FGGY: variants seen among roughly 807,000 people sequenced by gnomAD.
FGGY encodes FGGY carbohydrate kinase domain-containing protein.
Under a neutral mutation model 71.3 loss-of-function variants are expected in FGGY, and 72 were observed. That is an observed-to-expected ratio of 1.01 (90% CI 0.84 to 1.23). The LOEUF (loss-of-function observed/expected upper bound fraction) is 1.23. Ranked by LOEUF, FGGY falls within the 50% of genes most tolerant of loss-of-function variation. The probability of loss-of-function intolerance (pLI) is 0.00; values close to 1 mark genes in which losing one functional copy is unlikely to be tolerated. For missense variants in FGGY, 668 were observed against 682.3 expected (o/e 0.98, Z 0.23); for synonymous variants, 251 against 250.3 (o/e 1.00, Z -0.02).
At chr1:59,571,044 G>A (rs937597293) in intron 8 of FGGY, among the ~76,000 whole-genome samples, 19 of 152,130 alleles carry the variant, frequency 1.2e-4, no homozygotes, top group African/African-American at 1.7e-4. Context: ...ATGGACAGCC[G>A]TCTTTCATAT....
intron 5 of FGGY, among the ~76,000 whole-genome samples, chr1:59,414,622 G>A (rs2064086473): frequency 6.6e-6 from 1 of 152,150 alleles, no homozygotes; most frequent in Non-Finnish European, 1.5e-5. Flanking sequence ...GAGTGGACAA[G>A]TGTAGGGAAA....
chr1:59,498,027 G>A (rs986237582), intron 6 of FGGY, among the ~76,000 whole-genome samples: 2 of 152,154 alleles, frequency 1.3e-5, no homozygotes, highest in Non-Finnish European at 2.9e-5. Context: ...CTTCAAAGAT[G>A]CTGGAGGGTC....
chr1:59,651,000 C>T (rs1448340124), intron 11 of FGGY, among the ~76,000 whole-genome samples: 5 of 151,514 alleles, frequency 3.3e-5, no homozygotes, highest in South Asian at 2.1e-4. Flanking sequence ...GCCTTCATTT[C>T]GTTATGTACC....
chr1:59,681,952 T>C (rs1434609425), intron 14 of FGGY, among the ~76,000 whole-genome samples: 1 of 152,150 alleles, frequency 6.6e-6, no homozygotes, highest in Non-Finnish European at 1.5e-5. Context: ...AAATCATAAT[T>C]ATAGTTTCCT....
chr1:59,751,979 G>T (rs2098249197), intron 14 of FGGY, among the ~76,000 whole-genome samples: 1 of 152,178 alleles, frequency 6.6e-6, no homozygotes, highest in South Asian at 2.1e-4. Context: ...GGACATATAA[G>T]GGAGTGCCAT....
chr1:59,634,601 A>C (rs2096938846), intron 10 of FGGY, among the ~76,000 whole-genome samples: 1 of 152,094 alleles, frequency 6.6e-6, no homozygotes, highest in African/African-American at 2.4e-5. Flanking sequence ...ATTTATGGAG[A>C]GGGAGAGGAC....
Position 59,607,867 on chromosome 1 carries a change from G to A in FGGY, c.968G>A (p.Gly323Glu). 1 of 1,614,074 alleles carries A rather than the reference G, an allele frequency of 6.2e-7. No individual in the cohort carries two copies. Among genetic ancestry groups the A allele is most frequent in the Non-Finnish European group, 8.5e-7 (1 of 1,179,966 alleles). The change falls in exon 9 of 16, where the codon GGG becomes GAG. Residue 323 changes from glycine (G) to glutamate (E), a missense_variant. Gly to Glu is a moderately conservative substitution (Grantham distance 98). Around this residue, in one of 2 missense-constraint regions of FGGY, gnomAD observed 661 missense variants for 661.6 expected, o/e 1.00. Transcript: ENST00000303721. ...WGPYFSAMVP[G>E]FWLNEGGQSV... is the part of the protein sequence containing the mutation. ...CCTTATTTCTCAGCCATGGTACCTG[G>A]GTTCTGGCTGAATGAAGGTGGTCAG...
intron 14 of FGGY, among the ~76,000 whole-genome samples, chr1:59,685,513 G>A (rs2097537132): frequency 6.6e-6 from 1 of 152,114 alleles, no homozygotes; most frequent in Non-Finnish European, 1.5e-5. Flanking sequence ...GATGTAAAAA[G>A]AGGAAAATAC....
At chr1:59,664,279 A>G (rs1389946795) in intron 12 of FGGY, among the ~76,000 whole-genome samples, 1 of 152,190 alleles carries the variant, frequency 6.6e-6, no homozygotes, top group African/African-American at 2.4e-5. Context: ...TTGGTGGGGC[A>G]TTTCAGTAGG....
At chr1:59,692,059 T>G (rs371438066) in intron 14 of FGGY, among the ~76,000 whole-genome samples, 4 of 152,130 alleles carry the variant, frequency 2.6e-5, no homozygotes, top group African/African-American at 9.7e-5. Context: ...CTAATACTGA[T>G]CACCTCTGCA....
At chr1:59,530,180 G>A (rs947634290) in intron 7 of FGGY, among the ~76,000 whole-genome samples, 8 of 151,892 alleles carry the variant, frequency 5.3e-5, no homozygotes, top group African/African-American at 1.9e-4. Context: ...AAAACAAAAG[G>A]CCTCCCAAAG....
intron 15 of FGGY, among the ~76,000 whole-genome samples, chr1:59,758,793 A>G (rs1179545939): frequency 6.6e-6 from 1 of 152,240 alleles, no homozygotes; most frequent in East Asian, 1.9e-4. Context: ...GGGGAATGGC[A>G]GGAAGTGGGA....
Position 59,678,223 on chromosome 1 carries a change from CAAA to C in FGGY, c.1512+4091_1512+4093del, listed in dbSNP as rs148719511. ...GCTATTGAATAAGTGGGAGGGGACA[CAAA>C]GAAGGCAGTTCACTTCCCCTCCCTT... On this transcript the variant is annotated intron_variant, in intron 14 of 15. Coordinates refer to ENST00000303721, the MANE Select transcript of FGGY (RefSeq NM_018291.5). 1.6e-4 allele frequency among the ~76,000 whole-genome samples: 25 copies of C among 152,230 alleles called. No homozygotes were observed. The East Asian group carries it at 4.6e-3, about 28-fold the overall frequency.
chr1:59,331,097 A>G (rs1031095677), intron 2 of FGGY, among the ~76,000 whole-genome samples: 4 of 152,078 alleles, frequency 2.6e-5, no homozygotes, highest in African/African-American at 4.8e-5. Flanking sequence ...AGATTAGACT[A>G]TTGGCAGAGG....
intron 7 of FGGY, among the ~76,000 whole-genome samples, chr1:59,535,839 A>G (rs1222084401): frequency 6.7e-6 from 1 of 149,142 alleles, no homozygotes; most frequent in South Asian, 2.3e-4. Flanking sequence ...AGCAGTGTGT[A>G]GAGGGAAATT....
intron 2 of FGGY, among the ~76,000 whole-genome samples, chr1:59,337,523 A>T (rs1479709526): frequency 2.6e-5 from 4 of 152,160 alleles, no homozygotes; most frequent in Admixed American, 1.3e-4. Context: ...ACACACCCAG[A>T]AACAGTGCTT....
intron 11 of FGGY, among the ~76,000 whole-genome samples, chr1:59,658,269 C>T (rs1248140046): frequency 6.6e-6 from 1 of 152,166 alleles, no homozygotes; most frequent in Non-Finnish European, 1.5e-5. Flanking sequence ...TTCATGTTCT[C>T]TCTGAGTTCC....
chr1:59,759,792 G>A (rs1162181583), intron 15 of FGGY, among the ~76,000 whole-genome samples: 1 of 152,226 alleles, frequency 6.6e-6, no homozygotes, highest in Non-Finnish European at 1.5e-5. Flanking sequence ...CTGAGTTGAG[G>A]CACATTTTGA....
intron 9 of FGGY, among the ~76,000 whole-genome samples, chr1:59,622,714 A>T (rs2096822125): frequency 6.6e-6 from 1 of 151,730 alleles, no homozygotes; most frequent in Admixed American, 6.6e-5. Context: ...TTGAACTCTA[A>T]CCTCTCATTT....
Sources: allele counts gnomAD v4.1 joint callset (sites outside exome capture counted in the v4.1 genomes callset), GRCh38; gene constraint gnomAD v4.1.1; regional missense constraint gnomAD v4.1.1; transcripts MANE v1.5; gene names NCBI Gene and HGNC (gene_info 2026-07-23, HGNC 2026-07-21).